The following PIGB variants were observed in gnomAD, a reference collection of about 807,000 sequenced individuals.
PIGB encodes the protein GPI alpha-1,2-mannosyltransferase 3.
PIGB carries 58 observed loss-of-function variants against 68.4 expected under a neutral mutation model. The observed-to-expected ratio is 0.85, with a 90% CI of 0.69 to 1.06. The LOEUF (loss-of-function observed/expected upper bound fraction) is 1.06, where lower values mean the gene tolerates loss of function less well. Among genes scored for constraint, PIGB ranks in the 50% least tolerant of loss-of-function variants. The pLI, the probability that PIGB is intolerant of heterozygous loss-of-function variation, is 0.00. For synonymous variants in PIGB, 219 were observed against 220.5 expected (o/e 0.99, Z 0.06); for missense variants, 634 against 655.8 (o/e 0.97, Z 0.36).
intron 9 of PIGB, among the ~76,000 whole-genome samples, chr15:55,343,920 T>C (rs938630046): frequency 2.0e-5 from 3 of 152,172 alleles, no homozygotes; most frequent in African/African-American, 7.2e-5. Context: ...ATCAGTTCTG[T>C]CTAGTGATGT....
intron 5 of PIGB, among the ~76,000 whole-genome samples, 192 bp downstream of exon 5, chr15:55,330,046 G>A (rs1334025024): frequency 1.3e-5 from 2 of 152,060 alleles, no homozygotes; most frequent in Admixed American, 1.3e-4. Flanking sequence ...TTAACAAAAG[G>A]AATATTTGCA....
At chr15:55,345,005 C>T (rs559667819) in intron 9 of PIGB, among the ~76,000 whole-genome samples, 439 of 150,234 alleles carry the variant, frequency 2.9e-3, no homozygotes, top group Non-Finnish European at 4.9e-3. Flanking sequence ...AAGAGATTCT[C>T]CTGCCTCAGC....
At chr15:55,339,445 A>T (rs187700327) in intron 7 of PIGB, 127 bp downstream of exon 7, 108 of 622,204 alleles carry the variant, frequency 1.7e-4, no homozygotes, top group Non-Finnish European at 5.0e-5. Context: ...ATATCCTAAT[A>T]AGCCTTTGGT....
Position 55,350,890 on chromosome 15 carries a change from T to C in PIGB, c.1315T>C (p.Cys439Arg), listed in dbSNP as rs781178024. The change falls in exon 10 of 12, where the codon TGC becomes CGC. Residue 439 changes from cysteine to arginine, a missense_variant. By Grantham distance (180) the Cys-to-Arg change is radical. Coordinates refer to ENST00000164305, the MANE Select transcript of PIGB (RefSeq NM_004855.5). ...AGCTTCAATATTTATAATGATGCCT[T>C]GCCACTCTACTCCTTATTACAGGTA... The part of the protein sequence containing the change: ...SSASIFIMMP[C>R]HSTPYYSHVH... 2 of 1,589,842 alleles carry C rather than the reference T, an allele frequency of 1.3e-6. No homozygotes were observed. Among genetic ancestry groups the C allele is most frequent in the Non-Finnish European group, 1.7e-6 (2 of 1,158,638 alleles).
chr15:55,336,946 C>T (rs1354357746), intron 6 of PIGB, among the ~76,000 whole-genome samples: 2 of 151,986 alleles, frequency 1.3e-5, no homozygotes, highest in African/African-American at 2.4e-5. Context: ...ACTGAAATTG[C>T]ACCACTGCAC....
intron 10 of PIGB, 47 bp downstream of exon 10, chr15:55,350,959 C>T (rs747050407): frequency 1.0e-6 from 1 of 960,494 alleles, no homozygotes; most frequent in Non-Finnish European, 1.6e-6. Flanking sequence ...CTGAAACTGA[C>T]TACTTTAAAA....
chr15:55,333,731 C>CAAAAA, intron 5 of PIGB, 136 bp from the exon 6 acceptor site: 1 of 592,910 alleles, frequency 1.7e-6, no homozygotes, highest in South Asian at 2.8e-5. Flanking sequence ...GACTCTGTCT[C>CAAAAA]AAACAAAACA....
At position 55,344,239 on chromosome 15, in the gene PIGB, T is replaced by C. The variant is rs151305482; in HGVS notation, c.1123+2437T>C. The stretch of plus-strand genomic sequence containing the variant: ...CTGAGCTCACTTACACAGCTGCAGA[T>C]TGGGTAGATAGCTCTATTGACCTAG... On this transcript the variant is annotated intron_variant, in intron 9 of 11. Coordinates refer to ENST00000164305, the MANE Select transcript of PIGB (RefSeq NM_004855.5). Among the ~76,000 whole-genome samples the C allele has an allele frequency of 4.2e-3, 634 of 152,310 alleles. 2 individuals carry two copies. Among genetic ancestry groups the C allele is most frequent in the African/African-American group, 0.012 (509 of 41,576 alleles).
chr15:55,327,667 C>A, intron 4 of PIGB, 32 bp downstream of exon 4: 2 of 1,291,182 alleles, frequency 1.5e-6, no homozygotes, highest in Non-Finnish European at 2.2e-6. Context: ...AGCTGTATGC[C>A]AGTTATTTCG....
intron 1 of PIGB, chr15:55,319,906 T>C (rs1236476861): frequency 5.4e-6 from 1 of 185,790 alleles, no homozygotes; most frequent in Non-Finnish European, 1.1e-5. Context: ...ATTGCACATA[T>C]ACAAAGGGCT....
chr15:55,327,002 A>C (rs939053908), intron 3 of PIGB, among the ~76,000 whole-genome samples: 3 of 152,006 alleles, frequency 2.0e-5, no homozygotes, highest in African/African-American at 4.8e-5. Flanking sequence ...GTGGCAGTGC[A>C]TGTCTGAAGT....
chr15:55,320,567 C>A (rs1342778433), intron 2 of PIGB, among the ~76,000 whole-genome samples, 157 bp downstream of exon 2: 1 of 152,050 alleles, frequency 6.6e-6, no homozygotes. Context: ...GTACCAAACT[C>A]TATATATATT....
intron 6 of PIGB, among the ~76,000 whole-genome samples, chr15:55,338,144 A>G (rs553217395): frequency 6.6e-6 from 1 of 152,232 alleles, no homozygotes; most frequent in Admixed American, 6.5e-5. Flanking sequence ...GTGATGATTC[A>G]TAGAGCTTTA....
chr15:55,321,949 C>T (rs977806876), intron 3 of PIGB, among the ~76,000 whole-genome samples: 14 of 146,110 alleles, frequency 9.6e-5, no homozygotes, highest in East Asian at 4.4e-4. Flanking sequence ...CCGAGGCGGG[C>T]GGATCACCTG....
intron 9 of PIGB, among the ~76,000 whole-genome samples, chr15:55,347,397 C>T (rs901975284): frequency 3.3e-5 from 5 of 152,222 alleles, no homozygotes; most frequent in Admixed American, 1.3e-4. Flanking sequence ...ACTTGCACTC[C>T]CGCCTGGGCG....
rs151252589 is a variant in PIGB at position 55,340,746 on chromosome 15, T to G, written c.981T>G (p.Phe327Leu). 1,980 of 1,611,450 alleles carry G rather than the reference T, an allele frequency of 1.2e-3. 52 individuals are homozygous for G. The East Asian group carries it at 0.033, about 27-fold the overall frequency. The change falls in exon 8 of 12, where the codon TTT becomes TTG. Residue 327 changes from phenylalanine to leucine, a missense_variant. Transcript: ENST00000164305. ...TCTTGGGTACTCACTTACCCTTCTT[T>G]ATTCATGGCTGCTATCTAGCACCAA... ...PVILGTHLPF[F>L]IHGCYLAPKR...
intron 11 of PIGB, 144 bp from the exon 12 acceptor site, chr15:55,355,142 C>CA (rs2056046825): frequency 4.5e-6 from 4 of 880,096 alleles, no homozygotes; most frequent in Non-Finnish European, 5.2e-6. Flanking sequence ...CTGTAACTAT[C>CA]AAAGTATTTT....
At chr15:55,341,486 A>T (rs1336352787) in intron 8 of PIGB, among the ~76,000 whole-genome samples, 1 of 152,216 alleles carries the variant, frequency 6.6e-6, no homozygotes, top group East Asian at 1.9e-4. Context: ...ATTGAAATAG[A>T]AATCCCGTTT....
In PIGB at chr15:55,319,425, G is replaced by C. The variant is rs543101922; in HGVS notation, c.163+12G>C. The C allele has an allele frequency of 3.4e-5, 53 of 1,550,520 alleles. No individual in the cohort carries two copies. In the Admixed American group the frequency reaches 7.1e-4, roughly 21 times the overall value. On this transcript the variant is annotated intron_variant, in intron 1 of 11. Transcript: ENST00000164305. ...CAGGCGCCGCGGGGGTGAGTGAGGG[G>C]ACACTGTCTGGAGAGCTCCTACCCC...
Sources: allele counts gnomAD v4.1 joint callset (sites outside exome capture counted in the v4.1 genomes callset), GRCh38; gene constraint gnomAD v4.1.1; transcripts MANE v1.5; gene names NCBI Gene and HGNC (gene_info 2026-07-23, HGNC 2026-07-21).